The following NRCAM variants were observed in gnomAD, a reference collection of about 807,000 sequenced individuals.
NRCAM encodes neuronal cell adhesion molecule, also known as NgCAM-related cell adhesion molecule.
NRCAM carries 83 observed loss-of-function variants against 156.5 expected under a neutral mutation model. That is an observed-to-expected ratio of 0.53 (90% CI 0.44 to 0.64). The LOEUF (loss-of-function observed/expected upper bound fraction) is 0.64, where lower values mean the gene tolerates loss of function less well. Among genes scored for constraint, NRCAM ranks in the 30% least tolerant of loss-of-function variants. NRCAM has a pLI of 0.00. For synonymous variants in NRCAM, 538 were observed against 563.9 expected, an observed-to-expected ratio of 0.95 and a Z score of 0.65; for missense variants, 1,417 against 1,597.3, an observed-to-expected ratio of 0.89 and a Z score of 1.92.
At chr7:108,206,753 A>G (rs768236466) in intron 13 of NRCAM, among the ~76,000 whole-genome samples, 1 of 152,212 alleles carries the variant, frequency 6.6e-6, no homozygotes, top group Non-Finnish European at 1.5e-5. Context: ...AGTTTTGTAA[A>G]GCTGGCCTTT....
At chr7:108,391,911 T>C (rs2099761399) in intron 2 of NRCAM, among the ~76,000 whole-genome samples, 1 of 152,256 alleles carries the variant, frequency 6.6e-6, no homozygotes, top group Non-Finnish European at 1.5e-5. Flanking sequence ...CCCCACTCTC[T>C]TCTGGCTTGC....
At chr7:108,299,986 CAT>C (rs761019332) in intron 3 of NRCAM, among the ~76,000 whole-genome samples, 2 of 152,116 alleles carry the variant, frequency 1.3e-5, no homozygotes, top group African/African-American at 2.4e-5. Context: ...TGAGATAAAA[CAT>C]GTGCAGTACT....
At chr7:108,357,937 A>G (rs1405934394) in intron 2 of NRCAM, among the ~76,000 whole-genome samples, 7 of 113,130 alleles carry the variant, frequency 6.2e-5, no homozygotes, top group Non-Finnish European at 1.3e-4. Flanking sequence ...TAAATAGACT[A>G]CATATGGTAG....
chr7:108,277,205 T>C (rs1177805979), intron 3 of NRCAM, among the ~76,000 whole-genome samples: 1 of 152,156 alleles, frequency 6.6e-6, no homozygotes, highest in Admixed American at 6.5e-5. Context: ...ATCTGACAAC[T>C]ATGTGTCTTG....
At chr7:108,197,768 CTG>C (rs1163763301) in intron 14 of NRCAM, among the ~76,000 whole-genome samples, 186 bp downstream of exon 14, 2 of 152,148 alleles carry the variant, frequency 1.3e-5, no homozygotes, top group Non-Finnish European at 2.9e-5. Flanking sequence ...ATTGTAAAAA[CTG>C]TGTTATGGAA....
At chr7:108,197,650 T>A (rs397704) in intron 14 of NRCAM, among the ~76,000 whole-genome samples, 105,400 of 152,122 alleles carry the variant, frequency 0.69, 38,258 homozygotes, top group East Asian at 0.88. Flanking sequence ...TAATATTCAG[T>A]TGCTAATAGC....
chr7:108,416,700 G>T (rs573239878), intron 1 of NRCAM, among the ~76,000 whole-genome samples: 1 of 152,258 alleles, frequency 6.6e-6, no homozygotes. Context: ...TGAAGGCATG[G>T]GACCTTCTCC....
intron 32 of NRCAM, chr7:108,150,621 G>C (rs2040843077): frequency 2.0e-6 from 1 of 500,646 alleles, no homozygotes; most frequent in African/African-American, 2.0e-5. Flanking sequence ...TTCTGAGCCA[G>C]AAGGAGAAGC....
intron 3 of NRCAM, among the ~76,000 whole-genome samples, chr7:108,300,438 G>T (rs181544787): frequency 6.6e-6 from 1 of 152,092 alleles, no homozygotes; most frequent in East Asian, 1.9e-4. Flanking sequence ...TTCTAAAAAG[G>T]TCATTATGTC....
intron 2 of NRCAM, among the ~76,000 whole-genome samples, chr7:108,334,704 T>C (rs187852212): frequency 1.2e-4 from 18 of 152,302 alleles, no homozygotes; most frequent in Admixed American, 6.5e-4. Context: ...CATGGCCCAC[T>C]GGACAGCGTG....
chr7:108,218,467 G>A (rs761233761), intron 11 of NRCAM, among the ~76,000 whole-genome samples: 14 of 152,048 alleles, frequency 9.2e-5, no homozygotes, highest in African/African-American at 4.8e-5. Flanking sequence ...GCCACAAAAT[G>A]AGCCTCAATA....
chr7:108,433,099 T>C (rs1011319510), intron 1 of NRCAM, among the ~76,000 whole-genome samples: 2 of 152,178 alleles, frequency 1.3e-5, no homozygotes, highest in Non-Finnish European at 2.9e-5. Flanking sequence ...AGAGTGCAAA[T>C]GGAGGCTCTC....
intron 2 of NRCAM, among the ~76,000 whole-genome samples, chr7:108,341,319 T>G (rs1055965918): frequency 6.6e-6 from 1 of 152,218 alleles, no homozygotes; most frequent in Non-Finnish European, 1.5e-5. Context: ...GGAGGTTAAC[T>G]GTTTCCTGGA....
At chr7:108,211,357 C>A (rs1034586830) in intron 11 of NRCAM, among the ~76,000 whole-genome samples, 2 of 152,120 alleles carry the variant, frequency 1.3e-5, no homozygotes, top group Non-Finnish European at 2.9e-5. Flanking sequence ...AACTTTATAA[C>A]AATTTGAACC....
At chr7:108,402,258 C>G (rs1014013090) in intron 1 of NRCAM, among the ~76,000 whole-genome samples, 1 of 152,186 alleles carries the variant, frequency 6.6e-6, no homozygotes, top group African/African-American at 2.4e-5. Context: ...TTTGCTGTCC[C>G]ATTACATTTA....
At chr7:108,412,176 C>T (rs1007617740) in intron 1 of NRCAM, among the ~76,000 whole-genome samples, 4 of 150,960 alleles carry the variant, frequency 2.6e-5, no homozygotes, top group African/African-American at 7.3e-5. Context: ...ATCTCAAAGG[C>T]GAAAAAAAAC....
intron 13 of NRCAM, among the ~76,000 whole-genome samples, chr7:108,205,844 C>G (rs2080871648): frequency 6.6e-6 from 1 of 152,164 alleles, no homozygotes; most frequent in Non-Finnish European, 1.5e-5. Context: ...CCGCCATAGC[C>G]TCTGAAAGTG....
chr7:108,434,490 GAAGA>G (rs1166679935), intron 1 of NRCAM, among the ~76,000 whole-genome samples: 1 of 150,966 alleles, frequency 6.6e-6, no homozygotes, highest in East Asian at 2.0e-4. Context: ...CAAATGTGTA[GAAGA>G]GACCTCAGGG....
chr7:108,427,586 G>T (rs1401349931), intron 1 of NRCAM, among the ~76,000 whole-genome samples: 1 of 152,094 alleles, frequency 6.6e-6, no homozygotes, highest in Non-Finnish European at 1.5e-5. Flanking sequence ...TGAAGAAAAA[G>T]AATTTATTTA....
Sources: gnomAD v4.1 joint callset for allele counts (sites outside exome capture counted in the v4.1 genomes callset) on GRCh38, gnomAD v4.1.1 for gene constraint, MANE v1.5 for transcripts, NCBI Gene and HGNC (gene_info 2026-07-23, HGNC 2026-07-21) for gene names.